The following OPCML variants were observed in gnomAD, a reference collection of about 807,000 sequenced individuals.
OPCML encodes opioid-binding protein/cell adhesion molecule.
In OPCML, 13 loss-of-function variants were observed where a neutral mutation model predicts 37.8. The observed-to-expected ratio is 0.34, with a 90% CI of 0.22 to 0.55. The LOEUF is 0.55. Ranked by LOEUF, OPCML falls within the 20% of genes least tolerant of loss-of-function variation. The probability of loss-of-function intolerance (pLI) is 0.91; values close to 1 mark genes in which losing one functional copy is unlikely to be tolerated. For synonymous variants in OPCML, 176 were observed against 168.8 expected (o/e 1.04, Z -0.33); for missense variants, 341 against 435.6 (o/e 0.78, Z 1.93).
At chr11:133,150,831 G>A (rs1949970662) in intron 1 of OPCML, among the ~76,000 whole-genome samples, 1 of 152,086 alleles carries the variant, frequency 6.6e-6, no homozygotes, top group Non-Finnish European at 1.5e-5. Context: ...GTCAGCTTGT[G>A]TGGGATGGCC....
rs993353100 is a variant in OPCML at position 133,515,385 on chromosome 11, G to T, written c.61+16879C>A. 2.6e-5 allele frequency among the ~76,000 whole-genome samples: 4 copies of T among 152,202 alleles called. No individual in the cohort carries two copies. The East Asian group carries it at 7.7e-4, about 29-fold the overall frequency. ...ATCTTGGGCTGTCACAGCTCAAAAG[G>T]TGCCACTGGCATCTGGTGGCTGGAG... is the stretch of plus-strand genomic sequence containing the variant. On this transcript the variant is annotated intron_variant, in intron 1 of 7. Transcript: ENST00000524381.
intron 2 of OPCML, among the ~76,000 whole-genome samples, chr11:132,786,212 T>C (rs1188578007): frequency 6.6e-6 from 1 of 152,140 alleles, no homozygotes; most frequent in Admixed American, 6.5e-5. Flanking sequence ...GTCATGAAAA[T>C]TGTCATTAAT....
At chr11:133,149,217 T>C (rs1310868532) in intron 1 of OPCML, among the ~76,000 whole-genome samples, 1 of 152,216 alleles carries the variant, frequency 6.6e-6, no homozygotes, top group African/African-American at 2.4e-5. Context: ...TTACGCACCA[T>C]GATACTTGCA....
chr11:133,096,269 C>A (rs1401742234), intron 1 of OPCML, among the ~76,000 whole-genome samples: 1 of 151,728 alleles, frequency 6.6e-6, no homozygotes, highest in African/African-American at 2.4e-5. Flanking sequence ...ACTTCCTACC[C>A]ATGAATAGGT....
chr11:133,503,226 C>T (rs1212377364), intron 1 of OPCML, among the ~76,000 whole-genome samples: 1 of 152,202 alleles, frequency 6.6e-6, no homozygotes, highest in Non-Finnish European at 1.5e-5. Flanking sequence ...TCTGTGGGAT[C>T]CCTAAACTCA....
rs73599373 is a variant in OPCML, at chr11:132,732,040, G to A, written c.147-74721C>T. 3.5e-3 allele frequency among the ~76,000 whole-genome samples: 540 copies of A among 152,286 alleles called. 2 individuals carry two copies. The highest frequency in any genetic ancestry group is 0.011 in the African/African-American group (445 of 41,568). ...TGGATTTAATAAGTATTATTTTAAA[G>A]AGAACACTGTGTCCAAAGAGAATTA... On this transcript the variant is annotated intron_variant, in intron 2 of 7. Coordinates refer to ENST00000524381, the MANE Select transcript of OPCML (RefSeq NM_001012393.5).
intron 2 of OPCML, among the ~76,000 whole-genome samples, chr11:132,757,212 TGG>T (rs1243651568): frequency 6.6e-6 from 1 of 152,242 alleles, no homozygotes; most frequent in Non-Finnish European, 1.5e-5. Context: ...GATGGGCATT[TGG>T]GTTGGTTCCA....
intron 2 of OPCML, among the ~76,000 whole-genome samples, chr11:132,790,211 G>T (rs1030758075): frequency 6.6e-6 from 1 of 152,174 alleles, no homozygotes; most frequent in Admixed American, 6.5e-5. Context: ...CAGATGAAGA[G>T]ATAAAGAAAA....
intron 2 of OPCML, among the ~76,000 whole-genome samples, chr11:132,866,348 G>A (rs1438084168): frequency 3.9e-5 from 6 of 152,178 alleles, no homozygotes; most frequent in African/African-American, 7.2e-5. Context: ...ATCATCAAAT[G>A]CTACTTGTGA....
intron 1 of OPCML, among the ~76,000 whole-genome samples, chr11:132,988,127 A>C (rs927001318): frequency 6.6e-6 from 1 of 152,214 alleles, no homozygotes; most frequent in Non-Finnish European, 1.5e-5. Flanking sequence ...TATTAGGACA[A>C]CTTTGATGAC....
intron 1 of OPCML, among the ~76,000 whole-genome samples, chr11:133,021,621 A>G (rs985749855): frequency 2.6e-5 from 4 of 152,268 alleles, no homozygotes; most frequent in South Asian, 4.1e-4. Context: ...GGTATGAGCC[A>G]CATGTTATTG....
intron 1 of OPCML, among the ~76,000 whole-genome samples, chr11:133,432,960 A>C (rs1189752635): frequency 1.3e-5 from 2 of 152,312 alleles, no homozygotes; most frequent in East Asian, 3.9e-4. Context: ...TAACCCATGA[A>C]TGGTGCCATG....
At chr11:132,610,563 C>A (rs1334833773) in intron 3 of OPCML, among the ~76,000 whole-genome samples, 1 of 152,264 alleles carries the variant, frequency 6.6e-6, no homozygotes, top group Middle Eastern at 3.4e-3. Flanking sequence ...TCGGTGAGAG[C>A]AACTTTTGCA....
chr11:132,770,961 G>A (rs1946616778), intron 2 of OPCML, among the ~76,000 whole-genome samples: 5 of 152,176 alleles, frequency 3.3e-5, no homozygotes, highest in Non-Finnish European at 7.3e-5. Flanking sequence ...ATCTCTGCCT[G>A]CCCAGAGAGC....
rs551889393 is a variant in OPCML at position 133,321,354 on chromosome 11, C to T, written c.61+210910G>A. ...CAAAGGTTTCATTTCCACTTAGAGT[C>T]TAAGCAGCTCTACAAAAGAGCATTG... On this transcript the variant is annotated intron_variant, in intron 1 of 7. Coordinates refer to ENST00000524381, the MANE Select transcript of OPCML (RefSeq NM_001012393.5). 7.2e-5 allele frequency among the ~76,000 whole-genome samples: 11 copies of T among 152,240 alleles called. No homozygotes were observed. The South Asian group carries it at 2.3e-3, about 32-fold the overall frequency.
chr11:132,885,236 G>A (rs1323437887), intron 2 of OPCML, among the ~76,000 whole-genome samples: 8 of 152,180 alleles, frequency 5.3e-5, no homozygotes, highest in Non-Finnish European at 1.2e-4. Flanking sequence ...AAAATCCGGG[G>A]AACTGATAAG....
At chr11:133,462,633 T>C (rs896295637) in intron 1 of OPCML, among the ~76,000 whole-genome samples, 2 of 152,092 alleles carry the variant, frequency 1.3e-5, no homozygotes, top group Non-Finnish European at 2.9e-5. Flanking sequence ...CAATAGGATA[T>C]CTCTTCATGC....
chr11:132,911,386 C>T (rs567292969), intron 2 of OPCML, among the ~76,000 whole-genome samples: 24 of 152,308 alleles, frequency 1.6e-4, no homozygotes, highest in African/African-American at 5.3e-4. Flanking sequence ...CAGAAAGAGA[C>T]ACGACAGAAG....
chr11:132,566,128 G>A (rs1006242920), intron 3 of OPCML, among the ~76,000 whole-genome samples: 3 of 152,246 alleles, frequency 2.0e-5, no homozygotes, highest in Admixed American at 2.0e-4. Context: ...GTTAGGCACT[G>A]CAGGTGATAT....
Sources: allele counts gnomAD v4.1 joint callset (sites outside exome capture counted in the v4.1 genomes callset), GRCh38; gene constraint gnomAD v4.1.1; transcripts MANE v1.5; gene names NCBI Gene and HGNC (gene_info 2026-07-23, HGNC 2026-07-21).